The following LGALS8 variants were observed in gnomAD, a reference collection of about 807,000 sequenced individuals.
LGALS8 encodes the protein galectin-8.
A neutral mutation model predicts 35.9 loss-of-function variants in LGALS8; 30 were observed. The ratio of observed to expected loss-of-function variants is 0.83; its 90% CI spans 0.62 to 1.13. The LOEUF (loss-of-function observed/expected upper bound fraction) is 1.13, where lower values mean the gene tolerates loss of function less well. Among genes scored for constraint, LGALS8 ranks in the 50% most tolerant of loss-of-function variants. The probability of loss-of-function intolerance (pLI) is 0.00; values close to 1 mark genes in which losing one functional copy is unlikely to be tolerated. For missense variants in LGALS8, 366 were observed against 388.7 expected, an observed-to-expected ratio of 0.94 and a Z score of 0.49; for synonymous variants, 138 against 136.1, an observed-to-expected ratio of 1.01 and a Z score of -0.10.
chr1:236,543,502 T>G (rs763900103), intron 7 of LGALS8, 58 bp from the exon 8 acceptor site: 2 of 1,255,394 alleles, frequency 1.6e-6, no homozygotes, highest in Non-Finnish European at 2.3e-6. Flanking sequence ...TGGACACGAG[T>G]TTTCCCTGGA....
Position 236,544,935 on chromosome 1 carries a change from A to C in LGALS8, c.804+20A>C, listed in dbSNP as rs1163159382. 6.3e-7 allele frequency: 1 copy of C among 1,579,628 alleles called. No homozygotes were observed. The highest frequency in any genetic ancestry group is 1.4e-5 in the African/African-American group (1 of 73,930). Reference sequence around the variant, plus strand: ...TTTGAGGTGAGGTTACAGTTTTTGAAAATGGGACAGCAATAAGAATCCTGG... The same window carrying C: ...TTTGAGGTGAGGTTACAGTTTTTGACAATGGGACAGCAATAAGAATCCTGG... On this transcript the variant is annotated intron_variant, in intron 9 of 9. Transcript: ENST00000366584.
In LGALS8 at chr1:236,526,129, A is replaced by G; in HGVS notation, c.45+14A>G. 1.3e-6 allele frequency: 2 copies of G among 1,576,788 alleles called. No homozygotes were observed. The highest frequency in any genetic ancestry group is 1.3e-5 in the African/African-American group (1 of 74,352). Reference sequence around the variant, plus strand: ...ATCTATAACCCGGTAACTGATTTCTATAAGATAACTTTTTACCTATGCCAG... The same window carrying G: ...ATCTATAACCCGGTAACTGATTTCTGTAAGATAACTTTTTACCTATGCCAG... On this transcript the variant is annotated intron_variant, in intron 2 of 9. Coordinates refer to ENST00000366584, the MANE Select transcript of LGALS8 (RefSeq NM_201544.4). The surrounding 1 kb of genome is among the most constrained non-coding windows in gnomAD (Gnocchi z 4.6).
chr1:236,539,488 C>T (rs1474886875), intron 4 of LGALS8, among the ~76,000 whole-genome samples: 3 of 144,566 alleles, frequency 2.1e-5, no homozygotes. Context: ...AGTCTTGCCA[C>T]AAGACAGTTC....
upstream of LGALS8, among the ~76,000 whole-genome samples, chr1:236,519,709 A>G (rs1660498958): frequency 6.6e-6 from 1 of 152,122 alleles, no homozygotes; most frequent in East Asian, 1.9e-4. Flanking sequence ...TGGGGGAAAA[A>G]GTTCCTAAGT....
rs1662534988 is a variant in LGALS8 at position 236,548,253 on chromosome 1, T to TTA, written c.*96_*97dup. On this transcript the variant is annotated 3_prime_UTR_variant, in exon 10 of 10. Coordinates refer to ENST00000366584, the MANE Select transcript of LGALS8 (RefSeq NM_201544.4). Reference sequence around the variant, plus strand: ...ACGCATCTCACTGTCATTCTATTGTTTATATTGTTAAAATGAGCTTGTGCA... The same window carrying TTA: ...ACGCATCTCACTGTCATTCTATTGTTTATATATTGTTAAAATGAGCTTGTGCA... 2 of 1,165,510 alleles carry TTA rather than the reference T, an allele frequency of 1.7e-6. No individual in the cohort carries two copies. Among genetic ancestry groups the TTA allele is most frequent in the Non-Finnish European group, 2.5e-6 (2 of 815,110 alleles). The allele number at this position is 1,165,510 out of a possible 1,614,324, so 72.2% of individuals were successfully genotyped here.
Position 236,551,085 on chromosome 1 carries a change from G to A in LGALS8, c.*2924G>A. ...AATTCTTAATGCCTTGCACTTTCCG[G>A]CAATCATTCAATCAAAAGAGTGAAA... On this transcript the variant is annotated 3_prime_UTR_variant, in exon 10 of 10. Transcript: ENST00000366584. 1.1e-6 allele frequency: 1 copy of A among 904,146 alleles called. No homozygotes were observed. The highest frequency in any genetic ancestry group is 1.6e-6 in the Non-Finnish European group (1 of 611,264). The allele number at this position is 904,146 out of a possible 1,614,324, so 56.0% of individuals were successfully genotyped here. A position where few individuals can be genotyped will look rare whatever the true frequency, so the allele number is the denominator to read the frequency against.
At position 236,548,971 on chromosome 1, in the gene LGALS8, G is replaced by A. The variant is rs937272536; in HGVS notation, c.*810G>A. 18 of 398,572 alleles carry A rather than the reference G, an allele frequency of 4.5e-5. No homozygotes were observed. Among genetic ancestry groups the A allele is most frequent in the South Asian group, 1.3e-4 (1 of 7,854 alleles). The allele number at this position is 398,572 out of a possible 1,614,324, so 24.7% of individuals were successfully genotyped here. A position where few individuals can be genotyped will look rare whatever the true frequency, so the allele number is the denominator to read the frequency against. On this transcript the variant is annotated 3_prime_UTR_variant, in exon 10 of 10. Transcript: ENST00000366584. Reference sequence around the variant, plus strand: ...AGGGCAAATCAGAGTCTACACAGACGCCTACAGAAAGTTTCAGGAAGAGGC... The same window carrying A: ...AGGGCAAATCAGAGTCTACACAGACACCTACAGAAAGTTTCAGGAAGAGGC...
Position 236,550,992 on chromosome 1 carries a change from TAAAAAA to T in LGALS8, c.*2844_*2849del. ...GATGTTCTACTTCTTCACATTCATC[TAAAAAA>T]AAAAAAAAAAAATCAAAATTAAAAT... On this transcript the variant is annotated 3_prime_UTR_variant, in exon 10 of 10. Coordinates refer to ENST00000366584, the MANE Select transcript of LGALS8 (RefSeq NM_201544.4). The T allele has an allele frequency of 2.4e-6, 3 of 1,254,958 alleles. No individual in the cohort carries two copies. The highest frequency in any genetic ancestry group is 3.2e-6 in the Non-Finnish European group (3 of 934,348). The allele number at this position is 1,254,958 out of a possible 1,614,324, so 77.7% of individuals were successfully genotyped here. A position where few individuals can be genotyped will look rare whatever the true frequency, so the allele number is the denominator to read the frequency against.
At position 236,550,258 on chromosome 1, in the gene LGALS8, G is replaced by A. The variant is rs1662664788; in HGVS notation, c.*2097G>A. On this transcript the variant is annotated 3_prime_UTR_variant, in exon 10 of 10. Coordinates refer to ENST00000366584, the MANE Select transcript of LGALS8 (RefSeq NM_201544.4). ...GCCCTCTGTGTGAGCAGCCAGGTGT[G>A]AGCTGTTTTAGAAGCAGCGTGTTGC... 1 of 152,160 alleles carries A rather than the reference G, an allele frequency of 6.6e-6. No individual in the cohort carries two copies. Among genetic ancestry groups the A allele is most frequent in the South Asian group, 2.1e-4 (1 of 4,822 alleles). 9.4% of individuals were successfully genotyped at this position (152,160 alleles called of 1,614,324 possible).
At position 236,548,423 on chromosome 1, in the gene LGALS8, T is replaced by G; in HGVS notation, c.*262T>G. ...CCTACTTTGGCTGACTCTTCAAGAA[T>G]GCCATTCAACAAGTATTTATGGAGT... On this transcript the variant is annotated 3_prime_UTR_variant, in exon 10 of 10. Transcript: ENST00000366584. 6.5e-6 allele frequency: 3 copies of G among 462,044 alleles called. No individual in the cohort carries two copies. The highest frequency in any genetic ancestry group is 1.2e-5 in the Non-Finnish European group (3 of 256,538). The allele number at this position is 462,044 out of a possible 1,614,324, so 28.6% of individuals were successfully genotyped here. A position where few individuals can be genotyped will look rare whatever the true frequency, so the allele number is the denominator to read the frequency against.
intron 8 of LGALS8, among the ~76,000 whole-genome samples, chr1:236,544,344 T>A (rs1273112777): frequency 6.6e-6 from 1 of 152,150 alleles, no homozygotes; most frequent in Non-Finnish European, 1.5e-5. Context: ...TCTGAAAGCT[T>A]GAAATTAGAG....
At chr1:236,546,205 A>G (rs1018280495) in intron 9 of LGALS8, among the ~76,000 whole-genome samples, 16 of 152,260 alleles carry the variant, frequency 1.1e-4, no homozygotes, top group African/African-American at 3.1e-4. Context: ...AGAGACAGTG[A>G]AAGGGATGGC....
rs1001133948 is a variant in LGALS8, at chr1:236,543,737, A to G, written c.638+89A>G. On this transcript the variant is annotated intron_variant, in intron 8 of 9. Transcript: ENST00000366584. ...GTGAACGGTCCTGTGAGCTGGAAGA[A>G]GGGCTAGCGTCAGAATCTTCATTTC... The G allele has an allele frequency of 1.4e-5, 12 of 865,154 alleles. No individual in the cohort carries two copies. In the Admixed American group the frequency reaches 2.3e-4, roughly 16 times the overall value. The allele number at this position is 865,154 out of a possible 1,614,324, so 53.6% of individuals were successfully genotyped here. A position where few individuals can be genotyped will look rare whatever the true frequency, so the allele number is the denominator to read the frequency against.
intron 2 of LGALS8, among the ~76,000 whole-genome samples, chr1:236,530,061 A>G (rs931365358): frequency 2.0e-5 from 3 of 152,218 alleles, no homozygotes; most frequent in African/African-American, 7.2e-5. Flanking sequence ...TTCATTATCT[A>G]CCTATATATT....
chr1:236,538,818 C>T lies in LGALS8; in HGVS notation c.135-61C>T, dbSNP rs550171113. ...GGCCTGGAGTGTAGTGCCTGCTGGT[C>T]CTTTACTGGTGGCTTTCCTTTCTGA... is the stretch of plus-strand genomic sequence containing the variant. On this transcript the variant is annotated intron_variant, in intron 3 of 9. Coordinates refer to ENST00000366584, the MANE Select transcript of LGALS8 (RefSeq NM_201544.4). 7 of 1,210,076 alleles carry T rather than the reference C, an allele frequency of 5.8e-6. No individual in the cohort carries two copies. In the Admixed American group the frequency reaches 1.0e-4, roughly 17 times the overall value. The allele number at this position is 1,210,076 out of a possible 1,614,324, so 75.0% of individuals were successfully genotyped here. A position where few individuals can be genotyped will look rare whatever the true frequency, so the allele number is the denominator to read the frequency against.
chr1:236,547,600 A>C (rs576878546), intron 9 of LGALS8, among the ~76,000 whole-genome samples: 39 of 151,792 alleles, frequency 2.6e-4, no homozygotes, highest in Non-Finnish European at 1.5e-5. Flanking sequence ...CTACAGCTGG[A>C]AACAGCATCT....
At chr1:236,542,516 A>G (rs1662067283) in intron 6 of LGALS8, 1 of 552,052 alleles carries the variant, frequency 1.8e-6, no homozygotes, top group Non-Finnish European at 3.2e-6. Context: ...AAAAATTATT[A>G]ATTTATGGTG....
At chr1:236,547,969 A>AAACT (rs780690928) in intron 9 of LGALS8, 43 bp from the exon 10 acceptor site, 1 of 1,563,524 alleles carries the variant, frequency 6.4e-7, no homozygotes, top group African/African-American at 1.4e-5. Flanking sequence ...ACAAAATTTT[A>AAACT]AACTAAGGGG....
At chr1:236,537,197 A>G (rs1324257680) in intron 2 of LGALS8, among the ~76,000 whole-genome samples, 1 of 151,584 alleles carries the variant, frequency 6.6e-6, no homozygotes, top group African/African-American at 2.4e-5. Context: ...TTGTATTTTT[A>G]GTAGAGACGG....
Sources: gnomAD v4.1 joint callset for allele counts (sites outside exome capture counted in the v4.1 genomes callset) on GRCh38, gnomAD v4.1.1 for gene constraint, Gnocchi (gnomAD v3.1) non-coding constraint, MANE v1.5 for transcripts, NCBI Gene and HGNC (gene_info 2026-07-23, HGNC 2026-07-21) for gene names.